Variants in ACSM3 observed in about 807,000 individuals in gnomAD.
ACSM3 encodes acyl-CoA synthetase medium chain family member 3.
Under a neutral mutation model 74.1 loss-of-function variants are expected in ACSM3, and 61 were observed. That is an observed-to-expected ratio of 0.82 (90% CI 0.67 to 1.02). The LOEUF is 1.02. Ranked by LOEUF, ACSM3 falls within the 50% of genes least tolerant of loss-of-function variation. The probability of loss-of-function intolerance (pLI) is 0.00; values close to 1 mark genes in which losing one functional copy is unlikely to be tolerated. For synonymous variants in ACSM3, 213 were observed against 241.5 expected (o/e 0.88, Z 1.09); for missense variants, 660 against 697.0 (o/e 0.95, Z 0.60).
At chr16:20,711,042 T>C (rs77620338) in intron 1 of ACSM3, among the ~76,000 whole-genome samples, 2 of 151,688 alleles carry the variant, frequency 1.3e-5, no homozygotes, top group Admixed American at 1.3e-4. Flanking sequence ...GCCAAGATCA[T>C]GCCACTGCAC....
chr16:20,781,250 C>T, intron 6 of ACSM3, 120 bp downstream of exon 6: 1 of 1,276,058 alleles, frequency 7.8e-7, no homozygotes, highest in South Asian at 1.5e-5. Context: ...AGATATGTCA[C>T]ATCCAGAAAG....
chr16:20,731,296 CG>C (rs1424369480), intron 1 of ACSM3, among the ~76,000 whole-genome samples: 21 of 152,098 alleles, frequency 1.4e-4, no homozygotes, highest in African/African-American at 4.3e-4. Flanking sequence ...GGTATAGATT[CG>C]AAGGAGTAAG....
At chr16:20,716,673 C>T (rs1477034475) in intron 1 of ACSM3, among the ~76,000 whole-genome samples, 1 of 152,220 alleles carries the variant, frequency 6.6e-6, no homozygotes, top group Non-Finnish European at 1.5e-5. Flanking sequence ...CCTGTTTACC[C>T]TCACGTCCTC....
At chr16:20,722,138 G>A (rs1185214765) in intron 1 of ACSM3, 1 of 152,182 alleles carries the variant, frequency 6.6e-6, no homozygotes, top group Non-Finnish European at 1.5e-5. Flanking sequence ...ATGTTGTGGG[G>A]ATAAGGCTGA....
At chr16:20,723,059 G>C (rs1185938837) in intron 1 of ACSM3, among the ~76,000 whole-genome samples, 1 of 151,848 alleles carries the variant, frequency 6.6e-6, no homozygotes, top group Non-Finnish European at 1.5e-5. Flanking sequence ...ACAGGCCCCA[G>C]TGTGTGATGT....
At chr16:20,739,890 T>C (rs2152420583) in intron 1 of ACSM3, among the ~76,000 whole-genome samples, 1 of 151,970 alleles carries the variant, frequency 6.6e-6, no homozygotes, top group South Asian at 2.1e-4. Flanking sequence ...ATGTAAAATT[T>C]GAAAATGTTT....
At chr16:20,787,866 T>C (rs1449240851) in intron 9 of ACSM3, among the ~76,000 whole-genome samples, 1 of 152,208 alleles carries the variant, frequency 6.6e-6, no homozygotes, top group East Asian at 1.9e-4. Context: ...GGGACTTATC[T>C]GGTTTTAGCA....
chr16:20,791,674 C>T (rs1418882570), intron 10 of ACSM3, among the ~76,000 whole-genome samples: 2 of 152,184 alleles, frequency 1.3e-5, no homozygotes, highest in Non-Finnish European at 1.5e-5. Context: ...TGCCTGTAAT[C>T]TCAGCACTTT....
At position 20,797,365 on chromosome 16, in the gene ACSM3, A is replaced by G. The variant is rs770794992; in HGVS notation, c.*393A>G. On this transcript the variant is annotated 3_prime_UTR_variant, in exon 14 of 14. Coordinates refer to ENST00000289416, the MANE Select transcript of ACSM3 (RefSeq NM_005622.4). ...CTGAAATAAAACTAAAGAACTTATA[A>G]AAGTTTTTAGAAAAATATAAAATAT... The G allele has an allele frequency of 1.1e-4, 113 of 993,228 alleles. No individual in the cohort carries two copies. The highest frequency in any genetic ancestry group is 1.4e-4 in the Non-Finnish European group (113 of 832,246). 61.5% of individuals were successfully genotyped at this position (993,228 alleles called of 1,614,324 possible). A position where few individuals can be genotyped will look rare whatever the true frequency, so the allele number is the denominator to read the frequency against.
At position 20,737,921 on chromosome 16, in the gene ACSM3, T is replaced by C. The variant is rs772750661; in HGVS notation, c.-189-11989T>C. ...GTCTTCTTTTTCTTGGTTTTGTACA[T>C]ATCCTGGAGAATATGATGCACCAAT... On this transcript the variant is annotated intron_variant, in intron 1 of 3. Coordinates refer to the ACSM3 transcript ENST00000561584. The C allele has an allele frequency of 1.4e-5, 22 of 1,611,456 alleles. No homozygotes were observed. In the Admixed American group the frequency reaches 2.5e-4, roughly 18 times the overall value.
intron 1 of ACSM3, among the ~76,000 whole-genome samples, chr16:20,710,650 T>C (rs1454133558): frequency 6.6e-6 from 1 of 152,140 alleles, no homozygotes; most frequent in Non-Finnish European, 1.5e-5. Context: ...CAGCCGATAA[T>C]TTTTTAAGTT....
At chr16:20,794,048 G>C (rs79270252) in intron 12 of ACSM3, among the ~76,000 whole-genome samples, 2,109 of 152,256 alleles carry the variant, frequency 0.014, 48 homozygotes, top group African/African-American at 0.048. Flanking sequence ...AACAGTGGTA[G>C]GCTGCAGCAT....
intron 1 of ACSM3, chr16:20,711,762 G>A: frequency 2.6e-6 from 1 of 386,118 alleles, no homozygotes; most frequent in Non-Finnish European, 5.0e-6. Context: ...TGCCTCCAAG[G>A]ACTCAGGAAC....
At chr16:20,691,871 T>C (rs553193142) in intron 1 of ACSM3, among the ~76,000 whole-genome samples, 25 of 150,464 alleles carry the variant, frequency 1.7e-4, no homozygotes, top group African/African-American at 5.9e-4. Context: ...TGTGTGCTGT[T>C]TGTGGTTATG....
chr16:20,675,019 C>A (rs72778631), intron 1 of ACSM3, among the ~76,000 whole-genome samples: 184 of 152,282 alleles, frequency 1.2e-3, no homozygotes, highest in Non-Finnish European at 2.1e-3. Flanking sequence ...GCCGATACAG[C>A]GGCAAGTGCA....
chr16:20,676,728 G>C (rs747924935), intron 1 of ACSM3, among the ~76,000 whole-genome samples: 2 of 152,170 alleles, frequency 1.3e-5, no homozygotes, highest in Non-Finnish European at 2.9e-5. Flanking sequence ...CATGGAAAAG[G>C]CTGGTTTGGA....
At chr16:20,759,669 C>T (rs1328375151), upstream of ACSM3, among the ~76,000 whole-genome samples, 1 of 152,078 alleles carries the variant, frequency 6.6e-6, no homozygotes, top group African/African-American at 2.4e-5. Context: ...CTCTGTACCC[C>T]TTCTCCCACA....
In ACSM3 at chr16:20,775,980, G is replaced by T. The variant is rs779955309; in HGVS notation, c.361G>T (p.Asp121Tyr). Residue 121 changes from aspartate (D) to tyrosine (Y), a missense_variant, in exon 3 of 14, where the codon GAT (aspartate) becomes TAT (tyrosine). Asp to Tyr is a radical substitution (Grantham distance 160). Coordinates refer to ENST00000289416, the MANE Select transcript of ACSM3 (RefSeq NM_005622.4). ...LSEACSLQRG[D>Y]RVILILPRVP... is the part of the protein sequence containing the mutation. ...AGAAGCCTGTTCCCTACAAAGAGGA[G>T]ATCGGGTAATTCTGATTCTGCCCAG... 5 of 1,614,066 alleles carry T rather than the reference G, an allele frequency of 3.1e-6. No individual in the cohort carries two copies. Among genetic ancestry groups the T allele is most frequent in the Non-Finnish European group, 4.2e-6 (5 of 1,180,038 alleles).
chr16:20,770,174 A>G lies in ACSM3; in HGVS notation c.140A>G (p.Lys47Arg), dbSNP rs761986513. 1.9e-6 allele frequency: 3 copies of G among 1,614,084 alleles called. No individual in the cohort carries two copies. The change falls in exon 2 of 14, where the codon AAA (lysine) becomes AGA (arginine). Residue 47 changes from lysine to arginine, a missense_variant. Lys to Arg is a conservative substitution (Grantham distance 26). Coordinates refer to ENST00000289416, the MANE Select transcript of ACSM3 (RefSeq NM_005622.4). ...AATTTCTCCAACTATGAATCCATGA[A>G]ACAGGACTTCAAACTGGGGATTCCA... ...PQNFSNYESMKQDFKLGIPEY... is the reference protein window; with the variant it reads ...PQNFSNYESMRQDFKLGIPEY...
Sources: gnomAD v4.1 joint callset for allele counts (sites outside exome capture counted in the v4.1 genomes callset) on GRCh38, gnomAD v4.1.1 for gene constraint, MANE v1.5 for transcripts, NCBI Gene and HGNC (gene_info 2026-07-23, HGNC 2026-07-21) for gene names.